Variants in CUL5 observed in about 807,000 individuals in gnomAD.
CUL5 encodes the protein cullin 5, also known as cullin-5.
A neutral mutation model predicts 108.8 loss-of-function variants in CUL5; 26 were observed. The observed-to-expected ratio is 0.24, with a 90% CI of 0.18 to 0.33. CUL5 has a LOEUF of 0.33. CUL5 is among the 10% of genes least tolerant of loss of function. The pLI is 1.00. For synonymous variants in CUL5, 334 were observed against 298.0 expected (o/e 1.12, Z -1.25); for missense variants, 524 against 909.2 (o/e 0.58, Z 5.45).
Position 108,094,411 on chromosome 11 carries a change from T to C in CUL5, c.1464T>C (p.Asp488=), listed in dbSNP as rs750844996. ...EWLREVGMPA[D]YVNKLARMFQ... ...TATAGGAAGTTGGTATGCCAGCGGA[T>C]TATGTAAACAAGCTTGCTAGAATGT... The change falls in exon 14 of 19, where the codon GAT becomes GAC. Residue 488 remains aspartate, a synonymous_variant. Transcript: ENST00000393094. 6.3e-7 allele frequency: 1 copy of C among 1,585,458 alleles called. No individual in the cohort carries two copies. The highest frequency in any genetic ancestry group is 8.6e-7 in the Non-Finnish European group (1 of 1,167,914).
chr11:108,058,051 A>T (rs897775375), intron 7 of CUL5, among the ~76,000 whole-genome samples: 2 of 151,712 alleles, frequency 1.3e-5, no homozygotes, highest in South Asian at 2.1e-4. Context: ...TCTACTAAAA[A>T]TACAAAAATT....
chr11:108,015,771 A>T (rs1385715744), intron 1 of CUL5, among the ~76,000 whole-genome samples: 1 of 152,164 alleles, frequency 6.6e-6, no homozygotes, highest in Non-Finnish European at 1.5e-5. Flanking sequence ...TCTGGAGGTG[A>T]TGTATGTTAA....
At chr11:108,050,313 TTTAC>T (rs1380209888) in intron 4 of CUL5, among the ~76,000 whole-genome samples, 1 of 152,178 alleles carries the variant, frequency 6.6e-6, no homozygotes, top group Admixed American at 6.6e-5. Flanking sequence ...ACTTTTCCTT[TTTAC>T]TTTCTCCTTC....
chr11:108,039,327 G>T (rs1862830050), intron 2 of CUL5, among the ~76,000 whole-genome samples: 1 of 152,052 alleles, frequency 6.6e-6, no homozygotes, highest in Non-Finnish European at 1.5e-5. Context: ...GCCTGTCCAT[G>T]CTTATGAACT....
chr11:108,034,971 G>C (rs745905457), intron 2 of CUL5, among the ~76,000 whole-genome samples: 27 of 151,908 alleles, frequency 1.8e-4, no homozygotes, highest in Non-Finnish European at 3.4e-4. Flanking sequence ...TTATCTAGTG[G>C]GTAGCCTAGA....
chr11:108,082,352 C>T (rs1263490689), intron 11 of CUL5, among the ~76,000 whole-genome samples: 4 of 151,368 alleles, frequency 2.6e-5, no homozygotes, highest in Non-Finnish European at 1.5e-5. Flanking sequence ...GCAATCATGG[C>T]TCACTGCAGT....
At position 108,105,068 on chromosome 11, in the gene CUL5, GT is replaced by G. The variant is rs968475682; in HGVS notation, c.*697del. ...TTTAGTTGTTGTTAAATGATGAGGA[GT>G]TTTTTTTTTTTTAAATATGGCTGGA... On this transcript the variant is annotated 3_prime_UTR_variant, in exon 19 of 19. Coordinates refer to ENST00000393094, the MANE Select transcript of CUL5 (RefSeq NM_003478.6). 169 of 143,544 alleles carry G rather than the reference GT, an allele frequency of 1.2e-3. No individual in the cohort carries two copies. Among genetic ancestry groups the G allele is most frequent in the Admixed American group, 1.3e-3 (19 of 14,262 alleles). 8.9% of individuals were successfully genotyped at this position (143,544 alleles called of 1,614,324 possible).
At chr11:108,038,146 A>G (rs1862792706) in intron 2 of CUL5, among the ~76,000 whole-genome samples, 1 of 152,194 alleles carries the variant, frequency 6.6e-6, no homozygotes, top group Non-Finnish European at 1.5e-5. Context: ...ATTCATGTAT[A>G]CATATATTTT....
At chr11:108,015,001 C>A (rs1013913594) in intron 1 of CUL5, among the ~76,000 whole-genome samples, 1 of 152,170 alleles carries the variant, frequency 6.6e-6, no homozygotes, top group Non-Finnish European at 1.5e-5. Flanking sequence ...TGGGTTCAAG[C>A]AATTCTCCTT....
chr11:108,044,498 A>G (rs1018880653), intron 2 of CUL5, among the ~76,000 whole-genome samples: 7 of 129,912 alleles, frequency 5.4e-5, no homozygotes, highest in Non-Finnish European at 1.0e-4. Context: ...ACAGAGTGAG[A>G]CAGTGTCTCA....
chr11:108,064,037 C>T (rs1027099374), intron 7 of CUL5, among the ~76,000 whole-genome samples: 55 of 152,272 alleles, frequency 3.6e-4, no homozygotes, highest in Non-Finnish European at 2.9e-5. Context: ...TGTCTGATTC[C>T]TCTAACTACA....
intron 11 of CUL5, among the ~76,000 whole-genome samples, chr11:108,081,604 TAGCC>T (rs1864085603): frequency 1.3e-5 from 2 of 151,450 alleles, no homozygotes; most frequent in Admixed American, 1.3e-4. Flanking sequence ...TACAAAAAAT[TAGCC>T]AGGCGTGGTG....
chr11:108,065,321 T>C (rs1282246493), intron 7 of CUL5, among the ~76,000 whole-genome samples: 1 of 152,048 alleles, frequency 6.6e-6, no homozygotes, highest in Admixed American at 6.6e-5. Context: ...CTGCACCTGT[T>C]GGGAGAAATT....
At chr11:108,010,590 G>T (rs1392178052) in intron 1 of CUL5, among the ~76,000 whole-genome samples, 1 of 152,150 alleles carries the variant, frequency 6.6e-6, no homozygotes, top group Non-Finnish European at 1.5e-5. Flanking sequence ...TATCAGTAGC[G>T]CCTGTATCAT....
At chr11:108,072,717 G>T (rs1863855681) in intron 9 of CUL5, among the ~76,000 whole-genome samples, 1 of 152,072 alleles carries the variant, frequency 6.6e-6, no homozygotes, top group African/African-American at 2.4e-5. Flanking sequence ...TTACCACAAA[G>T]AAATTATAAA....
intron 11 of CUL5, among the ~76,000 whole-genome samples, chr11:108,080,694 C>A (rs1450692319): frequency 2.6e-5 from 4 of 151,814 alleles, no homozygotes; most frequent in Non-Finnish European, 5.9e-5. Context: ...ATGCCTGGCC[C>A]TTTTGGCCAT....
intron 10 of CUL5, among the ~76,000 whole-genome samples, chr11:108,074,668 T>C (rs1863904684): frequency 6.6e-6 from 1 of 151,922 alleles, no homozygotes; most frequent in Non-Finnish European, 1.5e-5. Context: ...TAGCTGGACG[T>C]GGTGGTACAT....
rs757128524 is a variant in CUL5 at position 108,094,786 on chromosome 11, T to C, written c.1568-26T>C. 4.4e-5 allele frequency: 67 copies of C among 1,512,688 alleles called. No individual in the cohort carries two copies. The Middle Eastern group carries it at 6.1e-4, about 14-fold the overall frequency. The allele number at this position is 1,512,688 out of a possible 1,614,324, so 93.7% of individuals were successfully genotyped here. On this transcript the variant is annotated intron_variant, in intron 14 of 18. Coordinates refer to ENST00000393094, the MANE Select transcript of CUL5 (RefSeq NM_003478.6). Reference sequence around the variant, plus strand: ...AATTTTATCCATTGTTAATTTACTTTATATTCCTGATATTCTTCTCTATAG... The same window carrying C: ...AATTTTATCCATTGTTAATTTACTTCATATTCCTGATATTCTTCTCTATAG...
chr11:108,027,651 C>T (rs542603013), intron 1 of CUL5, among the ~76,000 whole-genome samples: 7 of 152,246 alleles, frequency 4.6e-5, no homozygotes, highest in South Asian at 2.1e-4. Context: ...TCAAGTGACC[C>T]GCCCGCCTCA....
Sources: allele counts gnomAD v4.1 joint callset (sites outside exome capture counted in the v4.1 genomes callset), GRCh38; gene constraint gnomAD v4.1.1; transcripts MANE v1.5; gene names NCBI Gene and HGNC (gene_info 2026-07-23, HGNC 2026-07-21).